TENM2: variants seen among roughly 807,000 people sequenced by gnomAD.
TENM2 encodes the protein teneurin-2.
Under a neutral mutation model 245.2 loss-of-function variants are expected in TENM2, and 52 were observed. The ratio of observed to expected loss-of-function variants is 0.21; its 90% CI spans 0.17 to 0.27. TENM2 has a LOEUF of 0.27. TENM2 is among the 10% of genes least tolerant of loss of function. TENM2 has a pLI of 1.00. For synonymous variants in TENM2, 1,363 were observed against 1,438.9 expected, an observed-to-expected ratio of 0.95 and a Z score of 1.19; for missense variants, 3,046 against 3,666.8, an observed-to-expected ratio of 0.83 and a Z score of 4.37.
chr5:168,197,018 C>T (rs113129210), intron 15 of TENM2, among the ~76,000 whole-genome samples: 12 of 152,292 alleles, frequency 7.9e-5, no homozygotes, highest in African/African-American at 2.6e-4. Flanking sequence ...TCTGAGGAAT[C>T]CCACAATCTG....
the TENM2 span, among the ~76,000 whole-genome samples, chr5:167,088,320 C>T: frequency 1.3e-5 from 2 of 152,072 alleles, no homozygotes; most frequent in Non-Finnish European, 2.9e-5. Flanking sequence ...ACAATGTCTC[C>T]AATTCTCACT....
At chr5:167,130,074 G>A in the TENM2 span, among the ~76,000 whole-genome samples, 1 of 152,176 alleles carries the variant, frequency 6.6e-6, no homozygotes, top group Non-Finnish European at 1.5e-5. Context: ...GTTGGGTTGT[G>A]TGTGTATCTT....
At position 167,503,409 on chromosome 5, in the gene TENM2, AGT is replaced by A. The variant is rs1310603467; in HGVS notation, c.502+127938_502+127939del. On this transcript the variant is annotated intron_variant, in intron 2 of 28. Coordinates refer to ENST00000518659, the Ensembl canonical transcript of TENM2. ...AGGAGGATAAAAAATGGTACGGGAGAGTGCAGAGAAAAGAAGAGAGGAAGAAA... is the reference window on the plus strand; with the variant it reads ...AGGAGGATAAAAAATGGTACGGGAGAGCAGAGAAAAGAAGAGAGGAAGAAA... Among the ~76,000 whole-genome samples the A allele has an allele frequency of 2.0e-5, 3 of 152,214 alleles. No homozygotes were observed. In the East Asian group the frequency reaches 5.8e-4, roughly 29 times the overall value.
chr5:167,945,322 G>C (rs1051836626), intron 3 of TENM2, among the ~76,000 whole-genome samples: 1 of 119,088 alleles, frequency 8.4e-6, no homozygotes, highest in Non-Finnish European at 1.8e-5. Flanking sequence ...TCAAGCACCC[G>C]GGGGGGGCAC....
At chr5:167,994,039 A>G (rs58485045) in intron 5 of TENM2, among the ~76,000 whole-genome samples, 21,585 of 152,306 alleles carry the variant, frequency 0.14, 1,667 homozygotes, top group East Asian at 0.27. Context: ...CCTGGCCCCA[A>G]CAAAGAGCCC....
chr5:168,135,478 G>GT (rs2152386338), intron 12 of TENM2, among the ~76,000 whole-genome samples: 1 of 152,248 alleles, frequency 6.6e-6, no homozygotes, highest in Non-Finnish European at 1.5e-5. Flanking sequence ...CAAAAATGGG[G>GT]TTTATTGCTT....
Position 168,247,700 on chromosome 5 carries a change from T to C in TENM2, c.6761T>C (p.Ile2254Thr), listed in dbSNP as rs1254749303. 1 of 1,613,850 alleles carries C rather than the reference T, an allele frequency of 6.2e-7. No individual in the cohort carries two copies. The highest frequency in any genetic ancestry group is 8.5e-7 in the Non-Finnish European group (1 of 1,179,886). ...TTGCGCTATGACCTCCGGGATCGGA[T>C]AACCAGACTCGGGGATGTGCAGTAC... is the stretch of plus-strand genomic sequence containing the variant. The change falls in exon 27 of 29, where the codon ATA becomes ACA. Residue 2254 changes from isoleucine (I) to threonine (T), a missense_variant. Physicochemically the swap from Ile to Thr is moderately conservative, Grantham distance 89. This residue lies in a region of TENM2 where 2,704 missense variants were observed against 3,331.9 expected (regional missense o/e 0.81). Transcript: ENST00000518659. The surrounding 1 kb of genome is among the most constrained non-coding windows in gnomAD (Gnocchi z 7.8).
intron 2 of TENM2, among the ~76,000 whole-genome samples, chr5:167,725,883 C>G (rs1759968436): frequency 6.6e-6 from 1 of 152,178 alleles, no homozygotes; most frequent in African/African-American, 2.4e-5. Context: ...TCCACCATTA[C>G]CAGACTAATC....
At position 167,706,979 on chromosome 5, in the gene TENM2, C is replaced by T. The variant is rs533913004; in HGVS notation, c.503-169007C>T. On this transcript the variant is annotated intron_variant, in intron 2 of 28. Transcript: ENST00000518659. ...GCAGTGAGCCGAGATCGCGCCACTG[C>T]ACTCCATCCTGGGCGACAGAGTGAG... Among the ~76,000 whole-genome samples the T allele has an allele frequency of 2.8e-3, 387 of 139,164 alleles. 2 individuals carry two copies. Among genetic ancestry groups the T allele is most frequent in the African/African-American group, 8.9e-3 (322 of 36,102 alleles). 91.3% of individuals were successfully genotyped at this position (139,164 alleles called of 152,430 possible).
chr5:167,528,244 T>C (rs138543663), intron 2 of TENM2, among the ~76,000 whole-genome samples: 114 of 152,256 alleles, frequency 7.5e-4, no homozygotes, highest in African/African-American at 2.6e-3. Context: ...GGTCATTCCT[T>C]CCAGTGCCCC....
chr5:167,047,206 T>A, the TENM2 span, among the ~76,000 whole-genome samples: 7 of 152,238 alleles, frequency 4.6e-5, no homozygotes, highest in Admixed American at 3.3e-4. Flanking sequence ...TTACAAGTAA[T>A]ACTGAAAAAT....
the TENM2 span, among the ~76,000 whole-genome samples, chr5:167,002,370 C>T: frequency 1.3e-4 from 20 of 152,112 alleles, no homozygotes; most frequent in African/African-American, 3.9e-4. Context: ...GTGTCTAGAT[C>T]GTGCCATTGT....
At chr5:166,986,734 A>T in the TENM2 span, among the ~76,000 whole-genome samples, 1 of 152,106 alleles carries the variant, frequency 6.6e-6, no homozygotes, top group Non-Finnish European at 1.5e-5. Flanking sequence ...TAATTTAGAG[A>T]AGTCACTGGG....
chr5:167,934,950 T>C (rs1037186248), intron 3 of TENM2: 1 of 982,250 alleles, frequency 1.0e-6, no homozygotes, highest in Non-Finnish European at 1.2e-6. Flanking sequence ...TTATTGACTT[T>C]CTGAGACTGG....
chr5:168,156,701 C>A (rs1193872424), intron 12 of TENM2, among the ~76,000 whole-genome samples: 1 of 152,040 alleles, frequency 6.6e-6, no homozygotes, highest in Non-Finnish European at 1.5e-5. Flanking sequence ...TAGCTGGTAA[C>A]TGTGTGGACA....
intron 2 of TENM2, among the ~76,000 whole-genome samples, chr5:167,637,911 A>G (rs1248986157): frequency 6.6e-6 from 1 of 152,092 alleles, no homozygotes; most frequent in Non-Finnish European, 1.5e-5. Context: ...GCAAACCACC[A>G]TAGCACATGT....
chr5:167,189,597 C>T, the TENM2 span, among the ~76,000 whole-genome samples: 1 of 151,094 alleles, frequency 6.6e-6, no homozygotes, highest in African/African-American at 2.4e-5. Context: ...GAGAGACAGT[C>T]TCGCCCTGTC....
chr5:167,838,420 T>C (rs1769199760), intron 2 of TENM2, among the ~76,000 whole-genome samples: 1 of 152,208 alleles, frequency 6.6e-6, no homozygotes, highest in African/African-American at 2.4e-5. Context: ...TGTTTCTTCA[T>C]AACTTTTTGG....
chr5:167,576,773 C>G (rs928258301), intron 2 of TENM2, among the ~76,000 whole-genome samples: 2 of 152,156 alleles, frequency 1.3e-5, no homozygotes, highest in Admixed American at 6.5e-5. Context: ...CATGCAACCT[C>G]TAAAGTAATA....
Sources: gnomAD v4.1 joint callset for allele counts (sites outside exome capture counted in the v4.1 genomes callset) on GRCh38, gnomAD v4.1.1 for gene constraint, gnomAD v4.1.1 regional missense constraint, Gnocchi (gnomAD v3.1) non-coding constraint, MANE v1.5 for transcripts, NCBI Gene and HGNC (gene_info 2026-07-23, HGNC 2026-07-21) for gene names.